Variants in SIK3 observed in about 807,000 individuals in gnomAD.
SIK3 encodes serine/threonine-protein kinase SIK3.
SIK3 carries 28 observed loss-of-function variants against 144.2 expected under a neutral mutation model. The ratio of observed to expected loss-of-function variants is 0.19; its 90% CI spans 0.14 to 0.27. SIK3 has a LOEUF of 0.27. Among genes scored for constraint, SIK3 ranks in the 10% least tolerant of loss-of-function variants. The pLI, the probability that SIK3 is intolerant of heterozygous loss-of-function variation, is 1.00. For synonymous variants in SIK3, 686 were observed against 676.3 expected (o/e 1.01, Z -0.22); for missense variants, 1,319 against 1,776.0 (o/e 0.74, Z 4.62).
At chr11:116,896,897 T>A (rs1945432811) in intron 5 of SIK3, among the ~76,000 whole-genome samples, 1 of 152,010 alleles carries the variant, frequency 6.6e-6, no homozygotes, top group South Asian at 2.1e-4. Flanking sequence ...TGTGGTGGCT[T>A]GTGCCTGTAA....
At chr11:117,075,417 T>C (rs1302410302) in intron 1 of SIK3, among the ~76,000 whole-genome samples, 1 of 152,206 alleles carries the variant, frequency 6.6e-6, no homozygotes, top group Non-Finnish European at 1.5e-5. Flanking sequence ...TAAAACAAAT[T>C]ACATTCCCTT....
At chr11:116,953,504 G>A (rs2135385101) in intron 3 of SIK3, among the ~76,000 whole-genome samples, 1 of 152,310 alleles carries the variant, frequency 6.6e-6, no homozygotes, top group East Asian at 1.9e-4. Flanking sequence ...CTGACATTGT[G>A]CTAAAGCTAA....
chr11:117,029,282 T>C (rs1421711040), intron 1 of SIK3, among the ~76,000 whole-genome samples: 5 of 149,388 alleles, frequency 3.3e-5, no homozygotes, highest in African/African-American at 2.5e-5. Flanking sequence ...CTGGGCAACA[T>C]GGTGAAACCC....
At chr11:116,917,485 G>C (rs1424481420) in intron 4 of SIK3, among the ~76,000 whole-genome samples, 1 of 152,060 alleles carries the variant, frequency 6.6e-6, no homozygotes, top group Non-Finnish European at 1.5e-5. Flanking sequence ...GGGGTGAGAA[G>C]ATCTCTTGAG....
chr11:116,949,740 C>G (rs1237611727), intron 3 of SIK3, among the ~76,000 whole-genome samples: 1 of 152,208 alleles, frequency 6.6e-6, no homozygotes, highest in Non-Finnish European at 1.5e-5. Flanking sequence ...TGAATCTCTT[C>G]TCAAATGTCC....
At chr11:116,873,699 A>G in intron 12 of SIK3, 63 bp from the exon 13 acceptor site, 1 of 1,511,534 alleles carries the variant, frequency 6.6e-7, no homozygotes, top group Non-Finnish European at 8.8e-7. Context: ...AGAAAGGGGC[A>G]AGCCACTCAT....
At chr11:116,944,005 G>T (rs1455409749) in intron 3 of SIK3, among the ~76,000 whole-genome samples, 1 of 151,534 alleles carries the variant, frequency 6.6e-6, no homozygotes, top group African/African-American at 2.4e-5. Context: ...AAAAATAATA[G>T]CAATGAGATA....
chr11:116,957,080 A>G lies in SIK3; in HGVS notation c.274-16T>C. On this transcript the variant is annotated splice_polypyrimidine_tract_variant and intron_variant, in intron 1 of 24. Transcript: ENST00000445177. ...TGATAGCAACCTGACAACAGAGGGAAAAAAATTACTCTGATGCATTATTAA... is the reference window on the plus strand; with the variant it reads ...TGATAGCAACCTGACAACAGAGGGAGAAAAATTACTCTGATGCATTATTAA... The G allele has an allele frequency of 1.4e-6, 2 of 1,476,086 alleles. No individual in the cohort carries two copies. The highest frequency in any genetic ancestry group is 1.8e-6 in the Non-Finnish European group (2 of 1,082,210). 91.4% of individuals were successfully genotyped at this position (1,476,086 alleles called of 1,614,324 possible). A position where few individuals can be genotyped will look rare whatever the true frequency, so the allele number is the denominator to read the frequency against.
intron 3 of SIK3, among the ~76,000 whole-genome samples, chr11:116,933,909 G>C (rs1222614671): frequency 2.6e-5 from 4 of 152,022 alleles, no homozygotes; most frequent in Non-Finnish European, 5.9e-5. Flanking sequence ...ATGCCACCTT[G>C]CTATTTCTCA....
chr11:116,964,386 G>A (rs930856773), intron 1 of SIK3, among the ~76,000 whole-genome samples: 1 of 152,012 alleles, frequency 6.6e-6, no homozygotes, highest in African/African-American at 2.4e-5. Flanking sequence ...ATGTATATTT[G>A]GAAAGAACAG....
At chr11:117,058,014 T>C (rs187214524) in intron 1 of SIK3, among the ~76,000 whole-genome samples, 2 of 152,288 alleles carry the variant, frequency 1.3e-5, no homozygotes, top group Non-Finnish European at 2.9e-5. Flanking sequence ...GGGAAAACTT[T>C]CTTGAGAAAG....
At chr11:117,071,993 A>G (rs987942849) in intron 1 of SIK3, among the ~76,000 whole-genome samples, 1 of 152,048 alleles carries the variant, frequency 6.6e-6, no homozygotes, top group African/African-American at 2.4e-5. Flanking sequence ...GGAAACACAC[A>G]CTGGTGAAAA....
In SIK3 at chr11:117,066,219, C is replaced by G. The variant is rs1054665789; in HGVS notation, c.273+31924G>C. Among the ~76,000 whole-genome samples, 32 of 152,014 alleles carry G rather than the reference C, an allele frequency of 2.1e-4. No homozygotes were observed. In the East Asian group the frequency reaches 2.9e-3, roughly 14 times the overall value. ...GAGTAGCTGGGATTACAGGCACACG[C>G]CACCATGTCTGGCTAATTTTTGTAT... On this transcript the variant is annotated intron_variant, in intron 1 of 24. Coordinates refer to ENST00000445177, the MANE Select transcript of SIK3 (RefSeq NM_001366686.3).
intron 2 of SIK3, among the ~76,000 whole-genome samples, chr11:116,954,944 T>C (rs531862837): frequency 1.3e-5 from 2 of 152,326 alleles, no homozygotes; most frequent in South Asian, 4.1e-4. Flanking sequence ...TTTTAACTTT[T>C]CTAGTAGCCA....
intron 1 of SIK3, among the ~76,000 whole-genome samples, chr11:117,049,547 C>G (rs1195767628): frequency 6.6e-6 from 1 of 151,884 alleles, no homozygotes; most frequent in Non-Finnish European, 1.5e-5. Flanking sequence ...CACTGCATAC[C>G]AGCCTAGGTG....
intron 1 of SIK3, among the ~76,000 whole-genome samples, chr11:117,022,811 C>A (rs923986314): frequency 1.4e-5 from 2 of 142,886 alleles, no homozygotes; most frequent in African/African-American, 5.3e-5. Flanking sequence ...TTGTGGAGGG[C>A]AAGGGAGGAA....
At chr11:117,068,733 G>A (rs1954128990) in intron 1 of SIK3, among the ~76,000 whole-genome samples, 1 of 152,190 alleles carries the variant, frequency 6.6e-6, no homozygotes, top group African/African-American at 2.4e-5. Flanking sequence ...CAAACTGGGT[G>A]ACAGAGTGAG....
intron 6 of SIK3, among the ~76,000 whole-genome samples, chr11:116,877,686 G>A (rs1379755012): frequency 2.6e-5 from 4 of 152,116 alleles, no homozygotes; most frequent in Non-Finnish European, 4.4e-5. Flanking sequence ...ATTTTTCTCT[G>A]GGAGCTCGTA....
In SIK3 at chr11:116,910,820, C is replaced by G. The variant is rs553955839; in HGVS notation, c.617-13503G>C. Among the ~76,000 whole-genome samples, 6 of 151,922 alleles carry G rather than the reference C, an allele frequency of 3.9e-5. No individual in the cohort carries two copies. The East Asian group carries it at 1.2e-3, about 29-fold the overall frequency. On this transcript the variant is annotated intron_variant, in intron 4 of 24. Coordinates refer to ENST00000445177, the MANE Select transcript of SIK3 (RefSeq NM_001366686.3). ...CTTCAATGTAAGTGAAAAACAAGAA[C>G]AACAACAACAAAAAAAACACAGAAA...
Sources: gnomAD v4.1 joint callset for allele counts (sites outside exome capture counted in the v4.1 genomes callset) on GRCh38, gnomAD v4.1.1 for gene constraint, MANE v1.5 for transcripts, NCBI Gene and HGNC (gene_info 2026-07-23, HGNC 2026-07-21) for gene names.